The following STK32B variants were observed in gnomAD, a reference collection of about 807,000 sequenced individuals.
STK32B encodes serine/threonine kinase 32B.
STK32B carries 43 observed loss-of-function variants against 52.6 expected under a neutral mutation model. The ratio of observed to expected loss-of-function variants is 0.82; its 90% CI spans 0.64 to 1.05. The LOEUF (loss-of-function observed/expected upper bound fraction) is 1.05, where lower values mean the gene tolerates loss of function less well. Among genes scored for constraint, STK32B ranks in the 50% least tolerant of loss-of-function variants. STK32B has a pLI of 0.00. For synonymous variants in STK32B, 238 were observed against 204.3 expected (o/e 1.17, Z -1.41); for missense variants, 621 against 534.6 (o/e 1.16, Z -1.59).
intron 3 of STK32B, among the ~76,000 whole-genome samples, chr4:5,187,864 A>G (rs1720868220): frequency 6.6e-6 from 1 of 152,210 alleles, no homozygotes; most frequent in Non-Finnish European, 1.5e-5. Flanking sequence ...CTAAGCCTCA[A>G]AAATAACAAG....
At chr4:5,373,185 C>T (rs1209552699) in intron 4 of STK32B, among the ~76,000 whole-genome samples, 1 of 152,030 alleles carries the variant, frequency 6.6e-6, no homozygotes, top group Non-Finnish European at 1.5e-5. Context: ...ATATAGCTCG[C>T]CCAGCTATAT....
intron 3 of STK32B, among the ~76,000 whole-genome samples, chr4:5,272,984 G>C (rs1218850014): frequency 7.1e-6 from 1 of 141,758 alleles, no homozygotes; most frequent in Non-Finnish European, 1.5e-5. Flanking sequence ...AGACAAAATT[G>C]ACAAATGGGA....
At position 5,456,881 on chromosome 4, in the gene STK32B, C is replaced by T. The variant is rs1716574751; in HGVS notation, c.741C>T (p.Tyr247=). 7.5e-6 allele frequency: 12 copies of T among 1,593,946 alleles called. No individual in the cohort carries two copies. Among genetic ancestry groups the T allele is most frequent in the Non-Finnish European group, 1.0e-5 (12 of 1,169,246 alleles). ...TGTTCAAGGTGGAGCGTGTCCACTACTCCTCCACGTGGTGCAAGGGGATGG... is the reference window on the plus strand; with the variant it reads ...TGTTCAAGGTGGAGCGTGTCCACTATTCCTCCACGTGGTGCAAGGGGATGG... ...LNMFKVERVH[Y]SSTWCKGMVA... Residue 247 remains tyrosine (Y), a synonymous_variant, in exon 8 of 12, where the codon TAC becomes TAT. Transcript: ENST00000282908.
the STK32B span, among the ~76,000 whole-genome samples, chr4:5,045,312 C>G: frequency 6.6e-6 from 1 of 152,194 alleles, no homozygotes; most frequent in Admixed American, 6.5e-5. Context: ...TGCCCTCCTG[C>G]CTTGGGGTTT....
chr4:5,092,110 T>C (rs1475812292), intron 1 of STK32B, among the ~76,000 whole-genome samples: 1 of 152,150 alleles, frequency 6.6e-6, no homozygotes, highest in Non-Finnish European at 1.5e-5. Flanking sequence ...TGGAATTAGA[T>C]AGAGGTATGG....
intron 11 of STK32B, among the ~76,000 whole-genome samples, chr4:5,468,958 G>A (rs1717647325): frequency 6.6e-6 from 1 of 151,792 alleles, no homozygotes; most frequent in Admixed American, 6.6e-5. Flanking sequence ...GCTGAGGCAG[G>A]AGAATGGTGT....
In STK32B at chr4:5,156,158, G is replaced by C. The variant is rs371422358; in HGVS notation, c.109-12141G>C. On this transcript the variant is annotated intron_variant, in intron 2 of 11. Transcript: ENST00000282908. ...CATATACACACTCATATGTATATGT[G>C]TATACATATACACATATGCATACAC... Among the ~76,000 whole-genome samples the C allele has an allele frequency of 3.0e-4, 45 of 150,500 alleles. No individual in the cohort carries two copies. The East Asian group carries it at 8.0e-3, about 27-fold the overall frequency.
At chr4:5,414,802 T>C (rs1019925104) in intron 5 of STK32B, among the ~76,000 whole-genome samples, 7 of 152,190 alleles carry the variant, frequency 4.6e-5, no homozygotes, top group African/African-American at 1.7e-4. Flanking sequence ...GGAGAGACAT[T>C]GAGGGGCTTA....
chr4:5,309,606 AAAGGTACCAAT>A (rs1730157839), intron 3 of STK32B, among the ~76,000 whole-genome samples: 1 of 152,194 alleles, frequency 6.6e-6, no homozygotes, highest in Non-Finnish European at 1.5e-5. Context: ...GACTTTTGGC[AAAGGTACCAAT>A]AACATTTACA....
intron 3 of STK32B, among the ~76,000 whole-genome samples, chr4:5,245,302 G>T (rs978184231): frequency 2.5e-4 from 38 of 152,132 alleles, no homozygotes; most frequent in Non-Finnish European, 3.7e-4. Flanking sequence ...TTAGTTCTTC[G>T]TGTTGAATTG....
chr4:5,134,752 AG>A (rs2108825582), intron 1 of STK32B, among the ~76,000 whole-genome samples: 1 of 152,382 alleles, frequency 6.6e-6, no homozygotes. Flanking sequence ...CGCAGGTTTC[AG>A]GTTTTTAGGA....
At chr4:5,496,080 G>A (rs1345691379) in intron 11 of STK32B, among the ~76,000 whole-genome samples, 1 of 152,236 alleles carries the variant, frequency 6.6e-6, no homozygotes, top group African/African-American at 2.4e-5. Flanking sequence ...CCAGCTGCAT[G>A]CTGGGAGAAC....
intron 1 of STK32B, among the ~76,000 whole-genome samples, chr4:5,091,101 A>G (rs1290180314): frequency 1.3e-5 from 2 of 152,202 alleles, no homozygotes; most frequent in Non-Finnish European, 2.9e-5. Context: ...AGGAGGAAAC[A>G]CTTCCTAACT....
chr4:5,281,515 G>T (rs1007244956), intron 3 of STK32B, among the ~76,000 whole-genome samples: 15 of 152,168 alleles, frequency 9.9e-5, no homozygotes, highest in African/African-American at 3.6e-4. Flanking sequence ...CTAGATTACA[G>T]GTTGATGGAT....
Position 5,091,287 on chromosome 4 carries a change from A to T in STK32B, c.52+39372A>T, listed in dbSNP as rs537799877. ...CGAAGGACACTATCAAGAAAAGGTA[A>T]AAACAACCCACAGAATGGGAGAAGT... On this transcript the variant is annotated intron_variant, in intron 1 of 11. Coordinates refer to ENST00000282908, the MANE Select transcript of STK32B (RefSeq NM_018401.3). Among the ~76,000 whole-genome samples the T allele has an allele frequency of 2.6e-5, 4 of 152,312 alleles. No individual in the cohort carries two copies. In the East Asian group the frequency reaches 7.7e-4, roughly 29 times the overall value.
At chr4:5,232,188 A>C (rs1274048252) in intron 3 of STK32B, among the ~76,000 whole-genome samples, 1 of 152,166 alleles carries the variant, frequency 6.6e-6, no homozygotes, top group African/African-American at 2.4e-5. Context: ...AATTTTCTGT[A>C]ATAGAATGCA....
intron 6 of STK32B, among the ~76,000 whole-genome samples, chr4:5,444,462 G>A (rs189170036): frequency 0.025 from 3,792 of 152,234 alleles, 155 homozygotes; most frequent in African/African-American, 0.084. Flanking sequence ...GCTTTGGCTC[G>A]CGCACTGTGC....
chr4:5,233,647 G>A (rs1030655375), intron 3 of STK32B, among the ~76,000 whole-genome samples: 10 of 151,604 alleles, frequency 6.6e-5, no homozygotes, highest in Non-Finnish European at 1.2e-4. Flanking sequence ...GAGTGAAGGA[G>A]AGAAGTTATT....
chr4:5,423,522 T>C (rs772815483), intron 6 of STK32B, among the ~76,000 whole-genome samples: 6 of 152,168 alleles, frequency 3.9e-5, no homozygotes, highest in Non-Finnish European at 8.8e-5. Flanking sequence ...GTAGCCAATA[T>C]TAATGTGGTT....
Sources: allele counts gnomAD v4.1 joint callset (sites outside exome capture counted in the v4.1 genomes callset), GRCh38; gene constraint gnomAD v4.1.1; transcripts MANE v1.5; gene names NCBI Gene and HGNC (gene_info 2026-07-23, HGNC 2026-07-21).